NTM: variants seen among roughly 807,000 people sequenced by gnomAD.
The protein encoded by NTM is neurotrimin.
NTM carries 13 observed loss-of-function variants against 42.1 expected under a neutral mutation model. The ratio of observed to expected loss-of-function variants is 0.31; its 90% CI spans 0.20 to 0.49. The LOEUF (loss-of-function observed/expected upper bound fraction) is 0.49, where lower values mean the gene tolerates loss of function less well. Among genes scored for constraint, NTM ranks in the 20% least tolerant of loss-of-function variants. NTM has a pLI of 0.99. For missense variants in NTM, 373 were observed against 452.8 expected, an observed-to-expected ratio of 0.82 and a Z score of 1.60; for synonymous variants, 187 against 179.2, an observed-to-expected ratio of 1.04 and a Z score of -0.35.
chr11:132,324,423 T>C (rs949004821), intron 7 of NTM, among the ~76,000 whole-genome samples: 4 of 149,792 alleles, frequency 2.7e-5, no homozygotes, highest in African/African-American at 7.3e-5. Flanking sequence ...CCATTCACAA[T>C]TGCTTGAAAG....
chr11:131,981,365 G>A (rs1428296489), intron 2 of NTM: 6 of 152,168 alleles, frequency 3.9e-5, no homozygotes, highest in Admixed American at 6.5e-5. Context: ...ATGGCTTTCC[G>A]GTTAGCTGTG....
chr11:131,653,738 C>G (rs899624534), intron 1 of NTM, among the ~76,000 whole-genome samples: 7 of 152,192 alleles, frequency 4.6e-5, no homozygotes, highest in Non-Finnish European at 7.4e-5. Context: ...GGGACCACAC[C>G]AAAGCACCCC....
intron 2 of NTM, among the ~76,000 whole-genome samples, chr11:132,143,325 A>G (rs2069598499): frequency 6.6e-6 from 1 of 152,266 alleles, no homozygotes; most frequent in African/African-American, 2.4e-5. Context: ...TCAGAAACCC[A>G]TGGAGTAAGG....
chr11:132,297,220 T>G (rs950305237), intron 4 of NTM, among the ~76,000 whole-genome samples: 4 of 152,208 alleles, frequency 2.6e-5, no homozygotes, highest in African/African-American at 9.6e-5. Flanking sequence ...TGATCTGAAT[T>G]TATTCATTAG....
chr11:131,526,249 G>A (rs450663), intron 1 of NTM, among the ~76,000 whole-genome samples: 32,521 of 152,146 alleles, frequency 0.21, 3,737 homozygotes, highest in African/African-American at 0.3. Flanking sequence ...CTGCAGCGCA[G>A]TAGAAAAGAC....
chr11:131,818,223 T>G (rs2093031761), intron 1 of NTM, among the ~76,000 whole-genome samples: 1 of 144,694 alleles, frequency 6.9e-6, no homozygotes, highest in African/African-American at 2.9e-5. Flanking sequence ...TGTCGGTATC[T>G]CCTCAGAGGG....
chr11:132,100,930 T>C (rs2061550068), intron 2 of NTM, among the ~76,000 whole-genome samples: 1 of 152,216 alleles, frequency 6.6e-6, no homozygotes, highest in Non-Finnish European at 1.5e-5. Context: ...CATTCAGTTA[T>C]CAAAGCATTT....
chr11:131,682,505 G>A (rs1230160261), intron 1 of NTM, among the ~76,000 whole-genome samples: 1 of 152,202 alleles, frequency 6.6e-6, no homozygotes, highest in Admixed American at 6.5e-5. Flanking sequence ...CTGCAGAGCT[G>A]GAGAGCGGAG....
Position 131,675,825 on chromosome 11 carries a change from G to A in NTM, c.83-235739G>A, listed in dbSNP as rs188974284. On this transcript the variant is annotated intron_variant, in intron 1 of 8. Coordinates refer to ENST00000683400, the MANE Select transcript of NTM (RefSeq NM_001352005.2). The stretch of plus-strand genomic sequence containing the variant: ...TGACTCAAGACTTCAGGCAGAGGAT[G>A]TTTTCCATTTAAATCCCCTAAAAGA... Among the ~76,000 whole-genome samples the A allele has an allele frequency of 9.2e-5, 14 of 152,298 alleles. No individual in the cohort carries two copies. In the East Asian group the frequency reaches 1.9e-3, roughly 21 times the overall value.
chr11:132,182,022 G>T (rs2138064563), intron 3 of NTM, among the ~76,000 whole-genome samples: 1 of 149,978 alleles, frequency 6.7e-6, no homozygotes, highest in East Asian at 2.0e-4. Flanking sequence ...TCCGATTCTG[G>T]GTAGTAGCTT....
intron 1 of NTM, among the ~76,000 whole-genome samples, chr11:131,409,863 C>T (rs1438713229): frequency 2.6e-5 from 4 of 152,120 alleles, no homozygotes; most frequent in African/African-American, 9.7e-5. Context: ...AAAATCTCTC[C>T]TTTTTTAATC....
At chr11:131,796,064 C>T (rs1334043421) in intron 1 of NTM, 2 of 985,388 alleles carry the variant, frequency 2.0e-6, no homozygotes, top group Non-Finnish European at 2.4e-6. Flanking sequence ...CAGTGCCAAA[C>T]AGGAAAGCGT....
At chr11:131,840,064 G>A (rs1318760913) in intron 1 of NTM, among the ~76,000 whole-genome samples, 2 of 152,164 alleles carry the variant, frequency 1.3e-5, no homozygotes, top group African/African-American at 4.8e-5. Context: ...CAGCTTTAAG[G>A]ACATCGCACT....
chr11:131,869,165 A>C (rs2047518166), intron 1 of NTM, among the ~76,000 whole-genome samples: 1 of 151,530 alleles, frequency 6.6e-6, no homozygotes, highest in South Asian at 2.1e-4. Flanking sequence ...AGTAGATTTC[A>C]CTTTTTTTAA....
chr11:132,090,478 G>T (rs544270626), intron 2 of NTM, among the ~76,000 whole-genome samples: 1 of 151,940 alleles, frequency 6.6e-6, no homozygotes, highest in Non-Finnish European at 1.5e-5. Context: ...TCTGCCCTCC[G>T]TTTTAGGGTG....
intron 2 of NTM, among the ~76,000 whole-genome samples, chr11:132,115,199 G>A (rs141468834): frequency 5.9e-5 from 9 of 152,308 alleles, no homozygotes; most frequent in African/African-American, 2.2e-4. Context: ...TTTCAGTTAC[G>A]TAGGGTAATT....
chr11:131,509,622 G>A (rs1183721627), intron 1 of NTM, among the ~76,000 whole-genome samples: 1 of 152,190 alleles, frequency 6.6e-6, no homozygotes, highest in East Asian at 1.9e-4. Context: ...ATTTCTTGGT[G>A]AGACAGTTTA....
intron 1 of NTM, among the ~76,000 whole-genome samples, chr11:131,837,756 G>A (rs1388603197): frequency 6.6e-6 from 1 of 152,006 alleles, no homozygotes; most frequent in African/African-American, 2.4e-5. Flanking sequence ...GCTGCCTGCC[G>A]CGATGCCAGG....
chr11:132,243,156 T>C (rs2090499494), intron 4 of NTM, among the ~76,000 whole-genome samples: 1 of 152,192 alleles, frequency 6.6e-6, no homozygotes, highest in South Asian at 2.1e-4. Flanking sequence ...GCTCTTCATA[T>C]GCAAATGAAG....
Sources: gnomAD v4.1 joint callset for allele counts (sites outside exome capture counted in the v4.1 genomes callset) on GRCh38, gnomAD v4.1.1 for gene constraint, MANE v1.5 for transcripts, NCBI Gene and HGNC (gene_info 2026-07-23, HGNC 2026-07-21) for gene names.